Variants in PGAP6 observed in about 807,000 individuals in gnomAD.
The protein encoded by PGAP6 is post-GPI attachment to proteins factor 6.
Under a neutral mutation model 68.4 loss-of-function variants are expected in PGAP6, and 62 were observed. The observed-to-expected ratio is 0.91, with a 90% CI of 0.74 to 1.12. The LOEUF is 1.12. PGAP6 is among the 50% of genes most tolerant of loss of function. The pLI is 0.00. For missense variants in PGAP6, 1,188 were observed against 1,068.5 expected, an observed-to-expected ratio of 1.11 and a Z score of -1.56; for synonymous variants, 575 against 474.0, an observed-to-expected ratio of 1.21 and a Z score of -2.77.
At chr16:377,984 C>G in intron 1 of PGAP6, 136 bp from the exon 2 acceptor site, 1 of 753,382 alleles carries the variant, frequency 1.3e-6, no homozygotes, top group Non-Finnish European at 2.1e-6. Flanking sequence ...CAACTCTGAC[C>G]TTGGCAAAGG....
At chr16:378,253 C>G (rs62030803) in intron 1 of PGAP6, among the ~76,000 whole-genome samples, 5,628 of 20,522 alleles carry the variant, frequency 0.27, 102 homozygotes, top group South Asian at 0.35. Context: ...CACTGCCATC[C>G]CCACCCGCAC....
At chr16:382,000 G>T (rs1597167424), upstream of PGAP6, 47 of 932,178 alleles carry the variant, frequency 5.0e-5, 1 homozygote, top group South Asian at 2.0e-3. Context: ...GCCCCGCCCC[G>T]CAGGCCGAGC....
chr16:376,446 G>A lies in PGAP6; in HGVS notation c.914C>T (p.Pro305Leu). Residue 305 changes from proline to leucine, a missense_variant, in exon 6 of 13, where the codon CCA (proline) becomes CTA (leucine). By Grantham distance (98) the Pro-to-Leu change is moderately conservative (BLOSUM62 -3). Transcript: ENST00000431232. ...AAGGGGCTGGATGGTCACGCTCCGT[G>A]GCCTGCAAGCTGCCGAGAGGACAAG... ...SAVAALTACR[P>L]RSVTIQPLLQ... is the part of the protein sequence containing the mutation. 1 of 1,564,176 alleles carries A rather than the reference G, an allele frequency of 6.4e-7. No individual in the cohort carries two copies. Among genetic ancestry groups the A allele is most frequent in the Non-Finnish European group, 8.7e-7 (1 of 1,153,164 alleles).
At chr16:378,908 G>T (rs563768127) in intron 1 of PGAP6, among the ~76,000 whole-genome samples, 82 of 152,336 alleles carry the variant, frequency 5.4e-4, no homozygotes, top group African/African-American at 1.9e-3. Context: ...CGGGGATGGA[G>T]AAGGGCCCGT....
intron 2 of PGAP6, 23 bp from the exon 3 acceptor site, chr16:377,608 G>T: frequency 1.3e-6 from 2 of 1,568,412 alleles, no homozygotes; most frequent in Non-Finnish European, 1.7e-6. Flanking sequence ...GAGCAGCACC[G>T]GGTTCAGGCA....
intron 11 of PGAP6, 84 bp downstream of exon 11, chr16:373,921 C>G (rs1238502367): frequency 1.4e-6 from 2 of 1,459,112 alleles, no homozygotes; most frequent in African/African-American, 1.4e-5. Flanking sequence ...CAGGTCCGGC[C>G]TCTCCCACGG....
At chr16:379,023 T>G (rs2054416671) in intron 1 of PGAP6, among the ~76,000 whole-genome samples, 1 of 152,084 alleles carries the variant, frequency 6.6e-6, no homozygotes, top group South Asian at 2.1e-4. Context: ...CATCCTTCCC[T>G]CCCTGGGTCC....
rs1380317859 is a variant in PGAP6 at position 377,717 on chromosome 16, C to A, written c.253G>T (p.Val85Phe). Residue 85 changes from valine to phenylalanine, a missense_variant, in exon 2 of 13, where the codon GTC becomes TTC. Transcript: ENST00000431232. ...DAVLLRWLLQ[V>F]SRESGAACTD... The stretch of plus-strand genomic sequence containing the variant: ...CAGGCAGCGCCGCTCTCCCGGGAGA[C>A]CTGCAGGAGCCAGCGTAGAAGCACA... The A allele has an allele frequency of 1.3e-6, 2 of 1,595,986 alleles. No individual in the cohort carries two copies. The highest frequency in any genetic ancestry group is 1.7e-5 in the Admixed American group (1 of 57,384).
At position 377,387 on chromosome 16, in the gene PGAP6, G is replaced by C. The variant is rs773149207; in HGVS notation, c.498C>G (p.Ile166Met). ...GGGCAGCCCCCCTCACCTTCAACTC[G>C]ATCTTCTGGGATGAGGGGGGCAGGT... is the stretch of plus-strand genomic sequence containing the variant. ...AAHLPPSSQK[I>M]ELKGLAPTCA... The change falls in exon 3 of 13, where the codon ATC becomes ATG. Residue 166 changes from isoleucine (I) to methionine (M), a missense_variant. Ile to Met is a conservative substitution (Grantham distance 10). Transcript: ENST00000431232. The C allele has an allele frequency of 1.9e-6, 3 of 1,595,112 alleles. No individual in the cohort carries two copies. Among genetic ancestry groups the C allele is most frequent in the Non-Finnish European group, 1.7e-6 (2 of 1,169,726 alleles).
At chr16:382,315 G>A (rs1016612180), upstream of PGAP6, 13 of 390,262 alleles carry the variant, frequency 3.3e-5, no homozygotes, top group Admixed American at 4.0e-4. Context: ...CGGGACCTCC[G>A]TGGCAGGCTC....
rs531585905 is a variant in PGAP6 at position 377,386 on chromosome 16, C to T, written c.499G>A (p.Glu167Lys). 1.1e-4 allele frequency: 179 copies of T among 1,594,618 alleles called. No homozygotes were observed. Among genetic ancestry groups the T allele is most frequent in the South Asian group, 5.5e-4 (49 of 89,346 alleles). ...AHLPPSSQKI[E>K]LKGLAPTCAY... ...AGGGCAGCCCCCCTCACCTTCAACT[C>T]GATCTTCTGGGATGAGGGGGGCAGG... is the stretch of plus-strand genomic sequence containing the variant. The change falls in exon 3 of 13, where the codon GAG (glutamate) becomes AAG (lysine). Residue 167 changes from glutamate (E) to lysine (K), a missense_variant. Physicochemically the swap from Glu to Lys is moderately conservative, Grantham distance 56. Coordinates refer to ENST00000431232, the MANE Select transcript of PGAP6 (RefSeq NM_021259.3).
rs2054330871 is a variant in PGAP6 at position 371,397 on chromosome 16, A to AGGGGC, written c.*585_*589dup. 7.1e-6 allele frequency: 1 copy of AGGGGC among 141,572 alleles called. No individual in the cohort carries two copies. The highest frequency in any genetic ancestry group is 2.5e-4 in the South Asian group (1 of 3,958). 8.8% of individuals were successfully genotyped at this position (141,572 alleles called of 1,614,324 possible). A position where few individuals can be genotyped will look rare whatever the true frequency, so the allele number is the denominator to read the frequency against. ...AAGGCTCCAGAGCCAGGAAAAAGGG[A>AGGGGC]GGGGCGGGGCGGGAGCCTGCATCCC... On this transcript the variant is annotated 3_prime_UTR_variant, in exon 13 of 13. Transcript: ENST00000431232.
intron 11 of PGAP6, among the ~76,000 whole-genome samples, chr16:373,716 T>A (rs1457682207): frequency 6.6e-6 from 1 of 152,212 alleles, no homozygotes; most frequent in Non-Finnish European, 1.5e-5. Context: ...ACTTTTCGAT[T>A]TTTTGTACAG....
At chr16:386,725 C>CA (rs1567329267), upstream of PGAP6, 57 of 283,366 alleles carry the variant, frequency 2.0e-4, no homozygotes, top group East Asian at 4.3e-4. Flanking sequence ...AAAAAAAAAA[C>CA]CAAAAAAAAA....
chr16:381,588 C>G (rs1336473997), intron 1 of PGAP6, 113 bp downstream of exon 1: 1 of 902,762 alleles, frequency 1.1e-6, no homozygotes, highest in Non-Finnish European at 1.4e-6. Flanking sequence ...GCGGGGACCC[C>G]CAACCCCGCG....
upstream of PGAP6, chr16:382,477 G>A (rs2054452751): frequency 5.4e-6 from 2 of 371,952 alleles, no homozygotes; most frequent in Non-Finnish European, 9.6e-6. Flanking sequence ...AGCCGCTGCA[G>A]GTGCGTGTCA....
intron 1 of PGAP6, among the ~76,000 whole-genome samples, chr16:379,572 G>A (rs993227242): frequency 2.0e-5 from 3 of 152,244 alleles, no homozygotes; most frequent in South Asian, 2.1e-4. Flanking sequence ...CGGCCTCTGC[G>A]GGGGCAGGCA....
chr16:383,233 A>T (rs1448262286), upstream of PGAP6: 1 of 152,232 alleles, frequency 6.6e-6, no homozygotes, highest in Non-Finnish European at 1.5e-5. Flanking sequence ...AACCCCATTA[A>T]AGTGACTTCT....
upstream of PGAP6, chr16:382,571 G>T (rs576825710): frequency 3.1e-5 from 9 of 288,424 alleles, no homozygotes; most frequent in African/African-American, 1.8e-4. Flanking sequence ...TCACACGGGT[G>T]CGTGGCATCA....
Sources: allele counts gnomAD v4.1 joint callset (sites outside exome capture counted in the v4.1 genomes callset), GRCh38; gene constraint gnomAD v4.1.1; transcripts MANE v1.5; gene names NCBI Gene and HGNC (gene_info 2026-07-23, HGNC 2026-07-21).